KIF6: variants seen among roughly 807,000 people sequenced by gnomAD.
KIF6 encodes kinesin-like protein KIF6.
Under a neutral mutation model 112.7 loss-of-function variants are expected in KIF6, and 106 were observed. The ratio of observed to expected loss-of-function variants is 0.94; its 90% CI spans 0.80 to 1.11. KIF6 has a LOEUF of 1.11. Ranked by LOEUF, KIF6 falls within the 50% of genes least tolerant of loss-of-function variation. The pLI is 0.00. For synonymous variants in KIF6, 339 were observed against 339.9 expected (o/e 1.00, Z 0.03); for missense variants, 929 against 964.0 (o/e 0.96, Z 0.48).
intron 15 of KIF6, among the ~76,000 whole-genome samples, chr6:39,401,694 G>A (rs1045982685): frequency 3.3e-5 from 5 of 152,154 alleles, no homozygotes; most frequent in South Asian, 2.1e-4. Context: ...AAATGCTCTC[G>A]GGGGAGTGGG....
intron 5 of KIF6, among the ~76,000 whole-genome samples, chr6:39,624,357 A>T (rs1251232057): frequency 6.6e-6 from 1 of 152,116 alleles, no homozygotes; most frequent in Non-Finnish European, 1.5e-5. Flanking sequence ...GGTTGTAATA[A>T]TTTTTTTCTC....
In KIF6 at chr6:39,714,834, G is replaced by A. The variant is rs912515968; in HGVS notation, c.177-68C>T. On this transcript the variant is annotated intron_variant, in intron 2 of 22. Coordinates refer to ENST00000287152, the MANE Select transcript of KIF6 (RefSeq NM_145027.6). ...AAACACTATCAGATTAATAAATCTT[G>A]TTTTTCTGAAAGCTCTATTAATTAC... 15 of 1,081,188 alleles carry A rather than the reference G, an allele frequency of 1.4e-5. No individual in the cohort carries two copies. The African/African-American group carries it at 1.9e-4, about 14-fold the overall frequency. The allele number at this position is 1,081,188 out of a possible 1,614,324, so 67.0% of individuals were successfully genotyped here.
Position 39,540,134 on chromosome 6 carries a change from T to C in KIF6, c.1514A>G (p.Gln505Arg), listed in dbSNP as rs761832222. The change falls in exon 13 of 23, where the codon CAG becomes CGG. Residue 505 changes from glutamine (Q) to arginine (R), a missense_variant. Gln to Arg is a conservative substitution (Grantham distance 43). Around this residue, in one of 2 missense-constraint regions of KIF6, gnomAD observed 688 missense variants for 662.7 expected, o/e 1.04. Transcript: ENST00000287152. ...LAGMDRREFR[Q>R]SQSPPFRLGN... ...TAGGCGGAAGGGTGGGCTCTGGGACTGTCTGAATTCACGTCTATCCATGCC... is the reference window on the plus strand; with the variant it reads ...TAGGCGGAAGGGTGGGCTCTGGGACCGTCTGAATTCACGTCTATCCATGCC... 1.9e-5 allele frequency: 30 copies of C among 1,614,214 alleles called. No individual in the cohort carries two copies. In the South Asian group the frequency reaches 3.1e-4, roughly 17 times the overall value.
intron 3 of KIF6, among the ~76,000 whole-genome samples, chr6:39,648,907 G>C (rs569633235): frequency 9.9e-5 from 15 of 151,844 alleles, no homozygotes; most frequent in African/African-American, 3.4e-4. Context: ...AGTGGCTTAT[G>C]CCTGTAATCC....
At chr6:39,437,492 T>C (rs1422320427) in intron 13 of KIF6, among the ~76,000 whole-genome samples, 1 of 152,236 alleles carries the variant, frequency 6.6e-6, no homozygotes, top group Non-Finnish European at 1.5e-5. Flanking sequence ...CTTTAGATGC[T>C]TAACGTCTTT....
chr6:39,618,986 C>T (rs780689945), intron 5 of KIF6, among the ~76,000 whole-genome samples: 6 of 152,072 alleles, frequency 3.9e-5, no homozygotes, highest in Non-Finnish European at 7.4e-5. Flanking sequence ...CAAAATAAAC[C>T]TCTTTTTATT....
intron 14 of KIF6, among the ~76,000 whole-genome samples, chr6:39,426,951 TG>T (rs888305358): frequency 5.3e-5 from 8 of 152,146 alleles, no homozygotes; most frequent in African/African-American, 1.9e-4. Context: ...GGCTTTTGCA[TG>T]GGGGCAATTA....
chr6:39,470,588 G>A (rs1235215823), intron 13 of KIF6, among the ~76,000 whole-genome samples: 1 of 152,224 alleles, frequency 6.6e-6, no homozygotes, highest in Non-Finnish European at 1.5e-5. Context: ...GGGTGATGTG[G>A]AGAATGTTGC....
At chr6:39,580,474 T>C (rs536504215) in intron 9 of KIF6, among the ~76,000 whole-genome samples, 280 of 152,216 alleles carry the variant, frequency 1.8e-3, no homozygotes, top group African/African-American at 6.6e-3. Flanking sequence ...ATATCTTATT[T>C]CTTGTTATTG....
chr6:39,584,355 T>G (rs1054110402), intron 9 of KIF6, among the ~76,000 whole-genome samples: 4 of 130,198 alleles, frequency 3.1e-5, no homozygotes, highest in Admixed American at 1.0e-4. Context: ...GAGGCGGAGG[T>G]TGCAGTGAGC....
intron 13 of KIF6, among the ~76,000 whole-genome samples, chr6:39,527,974 A>T (rs894008228): frequency 2.0e-5 from 3 of 152,244 alleles, no homozygotes; most frequent in Admixed American, 1.3e-4. Flanking sequence ...CTTTGTGGTC[A>T]GAATATTTGA....
At chr6:39,668,611 T>C (rs1401391321) in intron 3 of KIF6, among the ~76,000 whole-genome samples, 1 of 152,180 alleles carries the variant, frequency 6.6e-6, no homozygotes, top group African/African-American at 2.4e-5. Context: ...ATTTCACTTT[T>C]GATCGAGTTT....
intron 13 of KIF6, among the ~76,000 whole-genome samples, chr6:39,444,727 T>C (rs953597381): frequency 6.6e-6 from 1 of 152,072 alleles, no homozygotes; most frequent in South Asian, 2.1e-4. Flanking sequence ...TCCTTTTGCA[T>C]GCTATGTTGC....
chr6:39,645,680 T>C (rs946501042), intron 3 of KIF6, among the ~76,000 whole-genome samples: 1 of 152,192 alleles, frequency 6.6e-6, no homozygotes, highest in African/African-American at 2.4e-5. Context: ...TAAAATGAGT[T>C]AGGGAGGATT....
In KIF6 at chr6:39,657,839, T is replaced by C. The variant is rs569680543; in HGVS notation, c.252-18082A>G. Among the ~76,000 whole-genome samples the C allele has an allele frequency of 2.0e-5, 3 of 152,324 alleles. No homozygotes were observed. In the South Asian group the frequency reaches 6.2e-4, roughly 32 times the overall value. On this transcript the variant is annotated intron_variant, in intron 3 of 22. Transcript: ENST00000287152. The stretch of plus-strand genomic sequence containing the variant: ...ACTTAAGGATTCTCCTTGGCAGATA[T>C]GAACATTCTTTCATATTGAAGACCA...
intron 15 of KIF6, among the ~76,000 whole-genome samples, chr6:39,396,635 G>A (rs78375082): frequency 1.3e-5 from 2 of 152,128 alleles, no homozygotes; most frequent in African/African-American, 4.8e-5. Flanking sequence ...GTGACCCTAG[G>A]CTACTTAATC....
intron 3 of KIF6, among the ~76,000 whole-genome samples, chr6:39,701,663 G>A (rs1004174874): frequency 1.3e-5 from 2 of 152,246 alleles, no homozygotes; most frequent in African/African-American, 4.8e-5. Flanking sequence ...GGCCTAGGAA[G>A]CCAGAGTTCC....
At chr6:39,497,729 C>G (rs951105498) in intron 13 of KIF6, among the ~76,000 whole-genome samples, 4 of 152,174 alleles carry the variant, frequency 2.6e-5, no homozygotes, top group Non-Finnish European at 4.4e-5. Context: ...ATCCCTCCCC[C>G]CATCACGAAG....
intron 3 of KIF6, among the ~76,000 whole-genome samples, chr6:39,705,182 T>G (rs904675800): frequency 3.9e-5 from 6 of 152,180 alleles, no homozygotes; most frequent in African/African-American, 1.4e-4. Context: ...CAAACCTTAG[T>G]GTGCATCAGA....
Sources: allele counts gnomAD v4.1 joint callset (sites outside exome capture counted in the v4.1 genomes callset), GRCh38; gene constraint gnomAD v4.1.1; regional missense constraint gnomAD v4.1.1; transcripts MANE v1.5; gene names NCBI Gene and HGNC (gene_info 2026-07-23, HGNC 2026-07-21).